ADAMTS6: variants seen among roughly 807,000 people sequenced by gnomAD.
ADAMTS6 encodes the protein ADAM metallopeptidase with thrombospondin type 1 motif 6.
A neutral mutation model predicts 144.3 loss-of-function variants in ADAMTS6; 23 were observed. The observed-to-expected ratio is 0.16, with a 90% CI of 0.11 to 0.23. ADAMTS6 has a LOEUF of 0.23. Ranked by LOEUF, ADAMTS6 falls within the 10% of genes least tolerant of loss-of-function variation. ADAMTS6 has a pLI of 1.00. For synonymous variants in ADAMTS6, 444 were observed against 457.5 expected (o/e 0.97, Z 0.38); for missense variants, 999 against 1,379.6 (o/e 0.72, Z 4.37).
intron 7 of ADAMTS6, among the ~76,000 whole-genome samples, chr5:65,396,678 G>A (rs1325220746): frequency 6.6e-6 from 1 of 152,208 alleles, no homozygotes; most frequent in Non-Finnish European, 1.5e-5. Context: ...CTAGGACGCT[G>A]TTTCATGGCT....
intron 7 of ADAMTS6, among the ~76,000 whole-genome samples, chr5:65,394,354 C>G (rs1753170248): frequency 6.6e-6 from 1 of 152,194 alleles, no homozygotes; most frequent in African/African-American, 2.4e-5. Flanking sequence ...TGTTTCACCT[C>G]CAGTAACAGT....
chr5:65,351,371 T>C (rs1237466444), intron 7 of ADAMTS6, among the ~76,000 whole-genome samples: 2 of 151,088 alleles, frequency 1.3e-5, no homozygotes, highest in Non-Finnish European at 2.9e-5. Context: ...CAAAATGTTT[T>C]TAAAACTTCA....
chr5:65,302,104 A>AT (rs1743452255), intron 9 of ADAMTS6, among the ~76,000 whole-genome samples: 6 of 42,294 alleles, frequency 1.4e-4, no homozygotes, highest in African/African-American at 5.1e-4. Flanking sequence ...AAAAAAAAAA[A>AT]AAAATATATA....
At chr5:65,292,192 A>G (rs1742379584) in intron 10 of ADAMTS6, among the ~76,000 whole-genome samples, 1 of 152,128 alleles carries the variant, frequency 6.6e-6, no homozygotes, top group Admixed American at 6.5e-5. Flanking sequence ...AACCCAGACA[A>G]AATACCTTAG....
At chr5:65,401,829 C>A (rs769813230) in intron 7 of ADAMTS6, among the ~76,000 whole-genome samples, 1 of 152,154 alleles carries the variant, frequency 6.6e-6, no homozygotes, top group African/African-American at 2.4e-5. Flanking sequence ...GTGGCAACTT[C>A]AAAGCTCCTT....
At chr5:65,404,232 G>T (rs6861076) in intron 7 of ADAMTS6, among the ~76,000 whole-genome samples, 57,042 of 151,796 alleles carry the variant, frequency 0.38, 11,139 homozygotes, top group South Asian at 0.43. Context: ...TGCCATGTTG[G>T]TGTGCTGCAC....
chr5:65,321,572 T>C lies in ADAMTS6; in HGVS notation c.1223+7806A>G, dbSNP rs550201780. 3.1e-3 allele frequency among the ~76,000 whole-genome samples: 472 copies of C among 152,222 alleles called. 1 individual carries two copies. The highest frequency in any genetic ancestry group is 5.6e-3 in the Admixed American group (85 of 15,274). On this transcript the variant is annotated intron_variant, in intron 9 of 24. Transcript: ENST00000381055. ...AATCCCATTAGTCAATTTTTGCTTTTGTTGTAATTGCTTTTGGCATCTTTA... is the reference window on the plus strand; with the variant it reads ...AATCCCATTAGTCAATTTTTGCTTTCGTTGTAATTGCTTTTGGCATCTTTA...
chr5:65,406,386 C>T (rs900180950), intron 7 of ADAMTS6, among the ~76,000 whole-genome samples: 4 of 152,104 alleles, frequency 2.6e-5, no homozygotes, highest in South Asian at 2.1e-4. Context: ...AAGGCCTTTT[C>T]GGCATCTATT....
chr5:65,236,467 C>T (rs963795700), intron 15 of ADAMTS6, among the ~76,000 whole-genome samples: 1 of 151,902 alleles, frequency 6.6e-6, no homozygotes, highest in Non-Finnish European at 1.5e-5. Flanking sequence ...TTTTATTTTT[C>T]GTATAGACAA....
At chr5:65,224,423 T>A (rs1202866432) in intron 17 of ADAMTS6, 23 bp from the exon 18 acceptor site, 16 of 1,602,502 alleles carry the variant, frequency 1.0e-5, no homozygotes, top group African/African-American at 1.3e-5. Flanking sequence ...AGATAGCCAG[T>A]ATTAAGCAGC....
In ADAMTS6 at chr5:65,273,540, A is replaced by T. The variant is rs180750731; in HGVS notation, c.1513-93T>A. On this transcript the variant is annotated intron_variant, in intron 11 of 24. Coordinates refer to ENST00000381055, the MANE Select transcript of ADAMTS6 (RefSeq NM_197941.4). Reference sequence around the variant, plus strand: ...TTACAGTCACTCTGCATTACTTTCAAGAGACCCTGGGTACCTTTTGCTGCT... The same window carrying T: ...TTACAGTCACTCTGCATTACTTTCATGAGACCCTGGGTACCTTTTGCTGCT... 309 of 1,038,836 alleles carry T rather than the reference A, an allele frequency of 3.0e-4. 1 individual carries two copies. The East Asian group carries it at 5.8e-3, about 20-fold the overall frequency. 64.4% of individuals were successfully genotyped at this position (1,038,836 alleles called of 1,614,324 possible). A position where few individuals can be genotyped will look rare whatever the true frequency, so the allele number is the denominator to read the frequency against.
chr5:65,371,901 C>T (rs1422169630), intron 7 of ADAMTS6, among the ~76,000 whole-genome samples: 1 of 151,968 alleles, frequency 6.6e-6, no homozygotes, highest in Non-Finnish European at 1.5e-5. Flanking sequence ...AAAGGGAAGC[C>T]CATCAGACTA....
chr5:65,316,850 G>A (rs1745056438), intron 9 of ADAMTS6, among the ~76,000 whole-genome samples: 1 of 151,848 alleles, frequency 6.6e-6, no homozygotes, highest in African/African-American at 2.4e-5. Flanking sequence ...TGCCCAGGCT[G>A]GAGTGCAATA....
intron 7 of ADAMTS6, among the ~76,000 whole-genome samples, chr5:65,372,010 T>A (rs1367345655): frequency 6.6e-6 from 1 of 151,950 alleles, no homozygotes; most frequent in African/African-American, 2.4e-5. Context: ...GAATTTCATA[T>A]CCAGCCAAAT....
intron 7 of ADAMTS6, among the ~76,000 whole-genome samples, chr5:65,355,569 G>A (rs1036342968): frequency 2.6e-5 from 4 of 151,778 alleles, no homozygotes; most frequent in Non-Finnish European, 4.4e-5. Context: ...TCTTTAGCCC[G>A]TCATGGCACT....
At chr5:65,237,389 A>G (rs1301074503) in intron 15 of ADAMTS6, among the ~76,000 whole-genome samples, 1 of 125,174 alleles carries the variant, frequency 8.0e-6, no homozygotes, top group Admixed American at 7.6e-5. Context: ...CCTTGTCTCA[A>G]AAAAAAAAAA....
intron 12 of ADAMTS6, among the ~76,000 whole-genome samples, chr5:65,269,077 C>T (rs1041201763): frequency 6.6e-6 from 1 of 152,142 alleles, no homozygotes; most frequent in Non-Finnish European, 1.5e-5. Flanking sequence ...CTCGGAGACA[C>T]ACAAACTCAT....
chr5:65,242,498 T>G (rs1273114233), intron 14 of ADAMTS6, among the ~76,000 whole-genome samples: 1 of 152,152 alleles, frequency 6.6e-6, no homozygotes, highest in Non-Finnish European at 1.5e-5. Context: ...AGGTATCTCC[T>G]TATAAAGACA....
chr5:65,405,099 T>C (rs548001545), intron 7 of ADAMTS6, among the ~76,000 whole-genome samples: 2 of 152,340 alleles, frequency 1.3e-5, no homozygotes, highest in African/African-American at 4.8e-5. Flanking sequence ...GTAGGCTGCC[T>C]GTTCACTCTG....
Sources: gnomAD v4.1 joint callset for allele counts (sites outside exome capture counted in the v4.1 genomes callset) on GRCh38, gnomAD v4.1.1 for gene constraint, MANE v1.5 for transcripts, NCBI Gene and HGNC (gene_info 2026-07-23, HGNC 2026-07-21) for gene names.